The following CDH4 variants were observed in gnomAD, a reference collection of about 807,000 sequenced individuals.
CDH4 encodes cadherin 4.
Under a neutral mutation model 86.0 loss-of-function variants are expected in CDH4, and 33 were observed. The ratio of observed to expected loss-of-function variants is 0.38; its 90% confidence interval spans 0.29 to 0.51. The LOEUF (loss-of-function observed/expected upper bound fraction) is 0.51. Ranked by LOEUF, CDH4 falls within the 20% of genes least tolerant of loss-of-function variation. The pLI is 0.86. For missense variants in CDH4, 1,114 were observed against 1,307.4 expected (o/e 0.85, Z 2.28); for synonymous variants, 555 against 549.4 (o/e 1.01, Z -0.14).
intron 2 of CDH4, among the ~76,000 whole-genome samples, chr20:61,326,961 C>T (rs946873145): frequency 1.3e-5 from 2 of 152,168 alleles, no homozygotes; most frequent in African/African-American, 4.8e-5. Flanking sequence ...CTACAAACAA[C>T]CTGCTTGTCA....
chr20:61,522,965 G>GC (rs1190832677), intron 2 of CDH4, among the ~76,000 whole-genome samples: 5 of 152,226 alleles, frequency 3.3e-5, no homozygotes, highest in Non-Finnish European at 5.9e-5. Flanking sequence ...CAGTGCCCTG[G>GC]CATCAGGATG....
At chr20:61,873,632 G>A (rs368554799) in intron 6 of CDH4, 96 bp from the exon 7 acceptor site, 6 of 1,355,610 alleles carry the variant, frequency 4.4e-6, no homozygotes, top group African/African-American at 4.3e-5. Flanking sequence ...CAGACTCACG[G>A]AGAGCTCTGT....
At chr20:61,603,732 G>A (rs2086621206) in intron 2 of CDH4, among the ~76,000 whole-genome samples, 1 of 152,236 alleles carries the variant, frequency 6.6e-6, no homozygotes, top group Non-Finnish European at 1.5e-5. Flanking sequence ...CTTCCTGGAA[G>A]AGGTGACATT....
chr20:61,458,776 G>A (rs1220452572), intron 2 of CDH4, among the ~76,000 whole-genome samples: 1 of 151,896 alleles, frequency 6.6e-6, no homozygotes. Context: ...TGATGATGGT[G>A]GCAGTGATGG....
At chr20:61,617,136 C>G (rs780554536) in intron 2 of CDH4, among the ~76,000 whole-genome samples, 1 of 152,160 alleles carries the variant, frequency 6.6e-6, no homozygotes, top group Non-Finnish European at 1.5e-5. Flanking sequence ...TGGCTCCCAC[C>G]GCACCCACCA....
At chr20:61,647,125 T>C (rs2087069287) in intron 2 of CDH4, among the ~76,000 whole-genome samples, 1 of 152,164 alleles carries the variant, frequency 6.6e-6, no homozygotes, top group South Asian at 2.1e-4. Context: ...CACGAATGTT[T>C]AGGGAAGGAG....
rs115573743 is a variant in CDH4 at position 61,899,250 on chromosome 20, A to G, written c.1188+4203A>G. On this transcript the variant is annotated intron_variant, in intron 8 of 15. Coordinates refer to ENST00000614565, the MANE Select transcript of CDH4 (RefSeq NM_001794.5). ...ACCTGGGAGGTGGAGGGTGCAGTGA[A>G]TCGAGATTGCACCATTGCACACTAG... is the stretch of plus-strand genomic sequence containing the variant. Among the ~76,000 whole-genome samples the G allele has an allele frequency of 8.8e-3, 1,334 of 151,844 alleles. 19 individuals are homozygous for G. Among genetic ancestry groups the G allele is most frequent in the African/African-American group, 0.031 (1,270 of 41,388 alleles).
intron 2 of CDH4, among the ~76,000 whole-genome samples, chr20:61,662,981 C>T (rs1402185555): frequency 1.3e-5 from 2 of 152,148 alleles, no homozygotes; most frequent in Non-Finnish European, 2.9e-5. Context: ...CTCAGGGCCT[C>T]TCCTCCTCCC....
chr20:61,339,195 G>A (rs944658383), intron 2 of CDH4, among the ~76,000 whole-genome samples: 2 of 152,096 alleles, frequency 1.3e-5, no homozygotes, highest in African/African-American at 2.4e-5. Flanking sequence ...TTATTTTTGT[G>A]TTCATATGGA....
At chr20:61,908,814 G>T (rs903562495) in intron 8 of CDH4, among the ~76,000 whole-genome samples, 1 of 152,240 alleles carries the variant, frequency 6.6e-6, no homozygotes, top group Non-Finnish European at 1.5e-5. Context: ...CCTGACCATG[G>T]GAGGCCGGGG....
At chr20:61,895,131 T>A in intron 8 of CDH4, 84 bp downstream of exon 8, 8 of 1,494,952 alleles carry the variant, frequency 5.4e-6, no homozygotes, top group Non-Finnish European at 7.3e-6. Context: ...CCTCTCTCTC[T>A]GCGGCTCTGC....
chr20:61,322,702 C>T (rs1009876552), intron 2 of CDH4, among the ~76,000 whole-genome samples: 7 of 152,124 alleles, frequency 4.6e-5, no homozygotes, highest in South Asian at 2.1e-4. Context: ...AACGCTGAGA[C>T]GCAGCCACCG....
rs115321414 is a variant in CDH4 at position 61,275,250 on chromosome 20, C to T, written c.169+20313C>T. Among the ~76,000 whole-genome samples the T allele has an allele frequency of 4.1e-3, 395 of 96,768 alleles. 3 individuals carry two copies. The highest frequency in any genetic ancestry group is 0.016 in the African/African-American group (369 of 23,326). The allele number at this position is 96,768 out of a possible 152,430, so 63.5% of individuals were successfully genotyped here. A position where few individuals can be genotyped will look rare whatever the true frequency, so the allele number is the denominator to read the frequency against. On this transcript the variant is annotated intron_variant, in intron 2 of 15. Coordinates refer to ENST00000614565, the MANE Select transcript of CDH4 (RefSeq NM_001794.5). ...TACCGTGTGCAGTTTGGGGGAATAC[C>T]GTGTGCAGTTTGGGGGAGCACCATG...
intron 2 of CDH4, among the ~76,000 whole-genome samples, chr20:61,680,299 G>A (rs2087497111): frequency 6.6e-6 from 1 of 152,230 alleles, no homozygotes; most frequent in Admixed American, 6.5e-5. Flanking sequence ...AGACGGGGAA[G>A]AAGCTGCTGT....
At chr20:61,797,805 C>T (rs935420846) in intron 4 of CDH4, among the ~76,000 whole-genome samples, 6 of 152,260 alleles carry the variant, frequency 3.9e-5, no homozygotes, top group Admixed American at 2.0e-4. Context: ...ACAAAAAAGA[C>T]AAATGTCCGG....
intron 4 of CDH4, among the ~76,000 whole-genome samples, chr20:61,833,054 G>A (rs529635610): frequency 2.6e-5 from 4 of 152,214 alleles, no homozygotes; most frequent in South Asian, 2.1e-4. Context: ...TGAGAGCCCC[G>A]TCAGAATGGT....
rs1177260596 is a variant in CDH4 at position 61,879,707 on chromosome 20, A to T, written c.1050+5807A>T. ...ATATTTATGGCCTAATGAGGAGGTG[A>T]ACGTGCCGCCCGAGCCCCGTCCTGA... is the stretch of plus-strand genomic sequence containing the variant. On this transcript the variant is annotated intron_variant, in intron 7 of 15. Coordinates refer to ENST00000614565, the MANE Select transcript of CDH4 (RefSeq NM_001794.5). The surrounding 1 kb of genome is among the most constrained non-coding windows in gnomAD (Gnocchi z 4.1). Among the ~76,000 whole-genome samples, 4 of 152,090 alleles carry T rather than the reference A, an allele frequency of 2.6e-5. No individual in the cohort carries two copies. Among genetic ancestry groups the T allele is most frequent in the African/African-American group, 7.2e-5 (3 of 41,412 alleles).
chr20:61,677,589 C>T (rs931593976), intron 2 of CDH4, among the ~76,000 whole-genome samples: 3 of 147,446 alleles, frequency 2.0e-5, no homozygotes, highest in African/African-American at 5.0e-5. Context: ...GGCACATCCC[C>T]CTCAGATCCA....
intron 4 of CDH4, among the ~76,000 whole-genome samples, chr20:61,788,301 G>T (rs1978992558): frequency 6.6e-6 from 1 of 152,198 alleles, no homozygotes; most frequent in African/African-American, 2.4e-5. Flanking sequence ...AGGAGCTGGA[G>T]TGTGGCAGCC....
Sources: gnomAD v4.1 joint callset for allele counts (sites outside exome capture counted in the v4.1 genomes callset) on GRCh38, gnomAD v4.1.1 for gene constraint, Gnocchi (gnomAD v3.1) non-coding constraint, MANE v1.5 for transcripts, NCBI Gene and HGNC (gene_info 2026-07-23, HGNC 2026-07-21) for gene names.